KLF7: variants seen among roughly 807,000 people sequenced by gnomAD.
KLF7 encodes KLF transcription factor 7.
KLF7 carries 2 observed loss-of-function variants against 27.3 expected under a neutral mutation model. That is an observed-to-expected ratio of 0.07 (90% confidence interval 0.03 to 0.23). The LOEUF is 0.23. KLF7 is among the 10% of genes least tolerant of loss of function. The pLI, the probability that KLF7 is intolerant of heterozygous loss-of-function variation, is 1.00. For synonymous variants in KLF7, 165 were observed against 162.4 expected, an observed-to-expected ratio of 1.02 and a Z score of -0.12; for missense variants, 221 against 394.1, an observed-to-expected ratio of 0.56 and a Z score of 3.72.
chr2:207,114,004 A>G (rs1453869672), intron 2 of KLF7, among the ~76,000 whole-genome samples: 6 of 152,200 alleles, frequency 3.9e-5, no homozygotes, highest in Admixed American at 2.0e-4. Flanking sequence ...AAGCCAGCAA[A>G]TTGCCCTCTG....
chr2:207,147,893 C>T (rs2078140467), intron 1 of KLF7, among the ~76,000 whole-genome samples: 1 of 152,090 alleles, frequency 6.6e-6, no homozygotes, highest in African/African-American at 2.4e-5. Context: ...TTTTAGGAAG[C>T]GTTTGATTTT....
intron 1 of KLF7, among the ~76,000 whole-genome samples, chr2:207,159,595 A>T (rs1374939846): frequency 6.6e-6 from 1 of 152,226 alleles, no homozygotes; most frequent in African/African-American, 2.4e-5. Flanking sequence ...GGGCTTAAGG[A>T]ATGAAGTATT....
At chr2:207,113,077 A>G (rs1414990332) in intron 2 of KLF7, among the ~76,000 whole-genome samples, 1 of 152,208 alleles carries the variant, frequency 6.6e-6, no homozygotes, top group Non-Finnish European at 1.5e-5. Flanking sequence ...TTCCTACTTT[A>G]TACTCTGATA....
Position 207,077,601 on chromosome 2 carries a change from T to C in KLF7, c.*3612A>G, listed in dbSNP as rs2076197969. On this transcript the variant is annotated 3_prime_UTR_variant, in exon 4 of 4. Coordinates refer to ENST00000309446, the MANE Select transcript of KLF7 (RefSeq NM_003709.4). ...GGGGTCTCCAATATTTTTACAAAAA[T>C]GCAGCTTTGTCATGGAATCTGAACA... 1 of 152,206 alleles carries C rather than the reference T, an allele frequency of 6.6e-6. No homozygotes were observed. The highest frequency in any genetic ancestry group is 1.5e-5 in the Non-Finnish European group (1 of 68,050). 9.4% of individuals were successfully genotyped at this position (152,206 alleles called of 1,614,324 possible).
upstream of KLF7, chr2:207,167,411 C>A: frequency 3.4e-6 from 1 of 297,602 alleles, no homozygotes. Flanking sequence ...TTCGTTCTAC[C>A]AGTAATGGAA....
intron 2 of KLF7, among the ~76,000 whole-genome samples, chr2:207,094,331 A>T: frequency 6.6e-6 from 1 of 152,156 alleles, no homozygotes; most frequent in Admixed American, 6.5e-5. Flanking sequence ...TTCTGTTAAG[A>T]CTAATTTTAC....
intron 1 of KLF7, among the ~76,000 whole-genome samples, chr2:207,143,982 C>T (rs1011250614): frequency 6.6e-6 from 1 of 152,142 alleles, no homozygotes; most frequent in Non-Finnish European, 1.5e-5. Context: ...GAGGGCTTCG[C>T]TCTCTGCCTT....
At chr2:207,149,069 G>T in intron 1 of KLF7, 2 of 1,208,752 alleles carry the variant, frequency 1.7e-6, no homozygotes, top group Non-Finnish European at 2.1e-6. Context: ...CCACCTAAAG[G>T]ATGCAGTTTC....
chr2:207,115,436 T>C (rs1325068890), intron 2 of KLF7, among the ~76,000 whole-genome samples: 1 of 152,214 alleles, frequency 6.6e-6, no homozygotes, highest in Admixed American at 6.5e-5. Flanking sequence ...TGAAGTGCTT[T>C]CACCTCCATT....
At chr2:207,124,746 T>C (rs6727168) in intron 1 of KLF7, among the ~76,000 whole-genome samples, 43,719 of 152,050 alleles carry the variant, frequency 0.29, 6,739 homozygotes, top group East Asian at 0.51. Flanking sequence ...CTCTAGAAAT[T>C]ATCATGCAAG....
At position 207,079,071 on chromosome 2, in the gene KLF7, T is replaced by TTTTTGTTTTTG. The variant is rs1226560100; in HGVS notation, c.*2141_*2142insCAAAAACAAAA. 1 of 151,804 alleles carries TTTTTGTTTTTG rather than the reference T, an allele frequency of 6.6e-6. No individual in the cohort carries two copies. Among genetic ancestry groups the TTTTTGTTTTTG allele is most frequent in the Non-Finnish European group, 1.5e-5 (1 of 67,934 alleles). 9.4% of individuals were successfully genotyped at this position (151,804 alleles called of 1,614,324 possible). A position where few individuals can be genotyped will look rare whatever the true frequency, so the allele number is the denominator to read the frequency against. ...TTTCGTTTTGTATTATTTTGTTTTTTTTTTTGTTTTTGTTTTTGTTTTTTT... is the reference window on the plus strand; with the variant it reads ...TTTCGTTTTGTATTATTTTGTTTTTTTTTTGTTTTTGTTTTTGTTTTTGTTTTTGTTTTTTT... On this transcript the variant is annotated 3_prime_UTR_variant, in exon 4 of 4. Coordinates refer to ENST00000309446, the MANE Select transcript of KLF7 (RefSeq NM_003709.4).
intron 3 of KLF7, among the ~76,000 whole-genome samples, chr2:207,087,298 G>C (rs2076412317): frequency 6.6e-6 from 1 of 151,930 alleles, no homozygotes; most frequent in African/African-American, 2.4e-5. Flanking sequence ...GAGGAAAATA[G>C]CTTCCCAGGA....
rs779992314 is a variant in KLF7 at position 207,088,574 on chromosome 2, C to T, written c.741G>A (p.Lys247=). 2 of 1,613,586 alleles carry T rather than the reference C, an allele frequency of 1.2e-6. No homozygotes were observed. Among genetic ancestry groups the T allele is most frequent in the Admixed American group, 1.7e-5 (1 of 60,006 alleles). The change falls in exon 3 of 4, where the codon AAG becomes AAA. Residue 247 remains lysine, a synonymous_variant. Transcript: ENST00000309446. The stretch of plus-strand genomic sequence containing the variant: ...ATCCCTCCCATGAGCACTTATAAGG[C>T]TTCTCACCTGCAAGAAGAGATGGAA... ...KAHQRTHTGE[K]PYKCSWEGCE...
chr2:207,135,525 TA>T (rs2077758959), intron 1 of KLF7, among the ~76,000 whole-genome samples: 1 of 152,192 alleles, frequency 6.6e-6, no homozygotes, highest in African/African-American at 2.4e-5. Flanking sequence ...TCTTCAAAGA[TA>T]CCAGACCTGT....
intron 2 of KLF7, among the ~76,000 whole-genome samples, chr2:207,123,567 T>TAGGGA (rs750796050): frequency 7.6e-4 from 116 of 152,288 alleles, no homozygotes; most frequent in Non-Finnish European, 1.4e-3. Context: ...GTTGGCACTG[T>TAGGGA]AGGGACAAAC....
rs927134522 is a variant in KLF7, at chr2:207,165,861, C to T, written c.-293G>A. ...CTCCACGGGAGTAACAATTCCCTTC[C>T]AGGGCTCTAATCACTCCAGCTCGTG... On this transcript the variant is annotated 5_prime_UTR_variant, in exon 1 of 4. Transcript: ENST00000309446. 6 of 1,267,942 alleles carry T rather than the reference C, an allele frequency of 4.7e-6. No homozygotes were observed. The highest frequency in any genetic ancestry group is 6.0e-6 in the Non-Finnish European group (6 of 999,382). The allele number at this position is 1,267,942 out of a possible 1,614,324, so 78.5% of individuals were successfully genotyped here. A position where few individuals can be genotyped will look rare whatever the true frequency, so the allele number is the denominator to read the frequency against.
At position 207,124,364 on chromosome 2, in the gene KLF7, C is replaced by G; in HGVS notation, c.143G>C (p.Arg48Pro). 6.3e-7 allele frequency: 1 copy of G among 1,588,292 alleles called. No homozygotes were observed. The highest frequency in any genetic ancestry group is 1.1e-5 in the South Asian group (1 of 88,390). Residue 48 changes from arginine to proline, a missense_variant, in exon 2 of 4, where the codon CGG becomes CCG. Physicochemically the swap from Arg to Pro is moderately radical, Grantham distance 103. Transcript: ENST00000309446. ...CTCACCAAAGGTCTCTGAGATCCTC[C>G]GGGGCTCCGTCTGTAGGTAGCGTTC... ...ELERYLQTEP[R>P]RISETFGEDL...
intron 2 of KLF7, among the ~76,000 whole-genome samples, chr2:207,102,176 A>C: frequency 1.4e-5 from 2 of 139,054 alleles, no homozygotes; most frequent in South Asian, 2.4e-4. Flanking sequence ...CTCCCCCCCA[A>C]TCTGCAAACA....
chr2:207,139,490 GTT>G (rs57358721), intron 1 of KLF7, among the ~76,000 whole-genome samples: 2 of 149,148 alleles, frequency 1.3e-5, no homozygotes, highest in African/African-American at 2.5e-5. Context: ...TAACAATTAG[GTT>G]TTTTTTTTTC....
Sources: allele counts gnomAD v4.1 joint callset (sites outside exome capture counted in the v4.1 genomes callset), GRCh38; gene constraint gnomAD v4.1.1; transcripts MANE v1.5; gene names NCBI Gene and HGNC (gene_info 2026-07-23, HGNC 2026-07-21).